GRID2: variants seen among roughly 807,000 people sequenced by gnomAD.
GRID2 encodes the protein glutamate ionotropic receptor delta type subunit 2.
In GRID2, 33 loss-of-function variants were observed where a neutral mutation model predicts 114.8. The observed-to-expected ratio is 0.29, with a 90% CI of 0.22 to 0.38. GRID2 has a LOEUF of 0.38. Among genes scored for constraint, GRID2 ranks in the 10% least tolerant of loss-of-function variants. GRID2 has a pLI of 1.00. For synonymous variants in GRID2, 505 were observed against 449.9 expected, an observed-to-expected ratio of 1.12 and a Z score of -1.55; for missense variants, 1,184 against 1,257.7, an observed-to-expected ratio of 0.94 and a Z score of 0.89.
At chr4:93,111,245 G>A (rs188279802) in intron 4 of GRID2, among the ~76,000 whole-genome samples, 2 of 152,128 alleles carry the variant, frequency 1.3e-5, no homozygotes, top group Middle Eastern at 3.2e-3. Context: ...AATCTGGCAA[G>A]ATCAAGAATA....
At chr4:93,372,309 CAG>C (rs936160521) in intron 8 of GRID2, among the ~76,000 whole-genome samples, 1 of 152,198 alleles carries the variant, frequency 6.6e-6, no homozygotes, top group South Asian at 2.1e-4. Flanking sequence ...TTTGAAAAGA[CAG>C]AGAGGACTTT....
At chr4:93,604,920 T>G (rs1740059186) in intron 13 of GRID2, among the ~76,000 whole-genome samples, 1 of 152,212 alleles carries the variant, frequency 6.6e-6, no homozygotes, top group Non-Finnish European at 1.5e-5. Flanking sequence ...AACCTTTATA[T>G]GTACTGGGAA....
intron 1 of GRID2, among the ~76,000 whole-genome samples, chr4:92,531,121 T>G (rs1470597672): frequency 6.6e-6 from 1 of 151,938 alleles, no homozygotes; most frequent in Non-Finnish European, 1.5e-5. Flanking sequence ...AAAAACTTTG[T>G]GGGGGGATAG....
intron 2 of GRID2, among the ~76,000 whole-genome samples, chr4:92,918,386 A>T (rs1312535178): frequency 1.3e-5 from 2 of 152,080 alleles, no homozygotes; most frequent in African/African-American, 4.8e-5. Flanking sequence ...TTCCAACACT[A>T]TGTTGAATAG....
In GRID2 at chr4:93,216,901, A is replaced by T. The variant is rs1427823257; in HGVS notation, c.953A>T (p.Gln318Leu). 6.2e-7 allele frequency: 1 copy of T among 1,608,722 alleles called. No homozygotes were observed. The highest frequency in any genetic ancestry group is 8.5e-7 in the Non-Finnish European group (1 of 1,175,394). The change falls in exon 6 of 16, where the codon CAG becomes CTG. Residue 318 changes from glutamine to leucine, a missense_variant. Physicochemically the swap from Gln to Leu is moderately radical, Grantham distance 113. This residue lies in a region of GRID2 where 455 missense variants were observed against 429.5 expected (regional missense o/e 1.06). Transcript: ENST00000282020. ...TLCDPKDPFA[Q>L]NMEISNLYIY... is the part of the protein sequence containing the mutation. The stretch of plus-strand genomic sequence containing the variant: ...TGTGATCCAAAGGATCCATTTGCTC[A>T]GAATATGGAGGTATATTATAAATGA...
chr4:92,760,239 A>G (rs928207222), intron 2 of GRID2, among the ~76,000 whole-genome samples: 1 of 140,278 alleles, frequency 7.1e-6, no homozygotes, highest in African/African-American at 2.8e-5. Context: ...CTCTGTCTCA[A>G]AAAAAAAAAA....
chr4:92,920,740 T>G (rs1472717315), intron 2 of GRID2, among the ~76,000 whole-genome samples: 1 of 152,206 alleles, frequency 6.6e-6, no homozygotes, highest in South Asian at 2.1e-4. Context: ...TGGACTTCCC[T>G]TTGTGGGTAA....
chr4:93,731,011 G>A (rs1018234880), intron 14 of GRID2, among the ~76,000 whole-genome samples: 1 of 152,208 alleles, frequency 6.6e-6, no homozygotes, highest in African/African-American at 2.4e-5. Context: ...GCTGGGCAAA[G>A]CTTTCGTCAC....
Position 93,656,605 on chromosome 4 carries a change from C to T in GRID2, c.2360+30170C>T, listed in dbSNP as rs368328953. On this transcript the variant is annotated intron_variant, in intron 14 of 15. Transcript: ENST00000282020. ...CAGCACTTTGGGAGGCTGAGGCAGA[C>T]GGATCACGAGGTCAGCAGATCGAGA... Among the ~76,000 whole-genome samples, 74 of 151,480 alleles carry T rather than the reference C, an allele frequency of 4.9e-4. No individual in the cohort carries two copies. The Middle Eastern group carries it at 0.014, about 28-fold the overall frequency.
chr4:93,091,551 T>A (rs1730791773), intron 3 of GRID2, among the ~76,000 whole-genome samples: 1 of 152,152 alleles, frequency 6.6e-6, no homozygotes, highest in South Asian at 2.1e-4. Context: ...CTGTGAATGT[T>A]CCCTTCTTAT....
intron 1 of GRID2, among the ~76,000 whole-genome samples, chr4:92,570,884 C>A (rs1019046218): frequency 6.6e-6 from 1 of 152,176 alleles, no homozygotes; most frequent in East Asian, 1.9e-4. Context: ...AGCATTATGT[C>A]ATCTGCAAAC....
At chr4:93,518,247 C>T (rs996878052) in intron 13 of GRID2, among the ~76,000 whole-genome samples, 1 of 151,554 alleles carries the variant, frequency 6.6e-6, no homozygotes, top group South Asian at 2.1e-4. Flanking sequence ...TTCTCTTACT[C>T]GAAGGTAGAT....
At chr4:93,809,443 G>A (rs145943760) in exon 2 of GRID2, 186 of 152,236 alleles carry the variant, frequency 1.2e-3, no homozygotes, top group African/African-American at 4.1e-3. Flanking sequence ...AACTAAGGCC[G>A]TATTAGCATG....
intron 2 of GRID2, among the ~76,000 whole-genome samples, chr4:93,052,453 A>G (rs557737861): frequency 6.6e-6 from 1 of 152,056 alleles, no homozygotes; most frequent in South Asian, 2.1e-4. Flanking sequence ...CATTATTGCC[A>G]GGGTTATATG....
intron 13 of GRID2, among the ~76,000 whole-genome samples, chr4:93,521,078 A>G (rs1023893332): frequency 1.3e-5 from 2 of 152,172 alleles, no homozygotes; most frequent in Admixed American, 6.6e-5. Flanking sequence ...AAGATTTTCT[A>G]AAAGAGTAAA....
At chr4:92,607,580 G>A (rs1217961637) in intron 2 of GRID2, among the ~76,000 whole-genome samples, 2 of 151,772 alleles carry the variant, frequency 1.3e-5, no homozygotes, top group African/African-American at 2.4e-5. Flanking sequence ...AGAAAGTAAC[G>A]AGTTACAACA....
At chr4:92,694,413 T>C (rs1486250221) in intron 2 of GRID2, among the ~76,000 whole-genome samples, 1 of 152,188 alleles carries the variant, frequency 6.6e-6, no homozygotes, top group Admixed American at 6.5e-5. Flanking sequence ...ACTAAAGTTT[T>C]GTCCTTCCAT....
At chr4:92,725,307 A>G (rs952852185) in intron 2 of GRID2, among the ~76,000 whole-genome samples, 1 of 152,108 alleles carries the variant, frequency 6.6e-6, no homozygotes, top group Admixed American at 6.6e-5. Context: ...GTCTCAGAAT[A>G]AGGGAATAAG....
At chr4:93,678,936 T>A (rs1479972815) in intron 14 of GRID2, among the ~76,000 whole-genome samples, 2 of 150,056 alleles carry the variant, frequency 1.3e-5, no homozygotes, top group Non-Finnish European at 3.0e-5. Context: ...AATATTAACT[T>A]TAAATGTAAA....
Sources: allele counts gnomAD v4.1 joint callset (sites outside exome capture counted in the v4.1 genomes callset), GRCh38; gene constraint gnomAD v4.1.1; regional missense constraint gnomAD v4.1.1; transcripts MANE v1.5; gene names NCBI Gene and HGNC (gene_info 2026-07-23, HGNC 2026-07-21).